Variants in CACNB4 observed in about 807,000 individuals in gnomAD.
CACNB4 encodes calcium voltage-gated channel auxiliary subunit beta 4.
CACNB4 carries 32 observed loss-of-function variants against 71.2 expected under a neutral mutation model. That is an observed-to-expected ratio of 0.45 (90% CI 0.34 to 0.60). The LOEUF (loss-of-function observed/expected upper bound fraction) is 0.60. CACNB4 is among the 20% of genes least tolerant of loss of function. The pLI is 0.01. For missense variants in CACNB4, 464 were observed against 647.9 expected (o/e 0.72, Z 3.08); for synonymous variants, 231 against 236.9 (o/e 0.97, Z 0.23).
rs2099839943 is a variant in CACNB4, at chr2:151,855,095, A to G, written c.1020+129T>C. On this transcript the variant is annotated intron_variant, in intron 11 of 13. Transcript: ENST00000539935. ...AATTCATAGAATCTGTACACTGTGGAAAGATTTTAAATGTGCTTATTAATA... is the reference window on the plus strand; with the variant it reads ...AATTCATAGAATCTGTACACTGTGGGAAGATTTTAAATGTGCTTATTAATA... 2.2e-5 allele frequency: 12 copies of G among 551,348 alleles called. No individual in the cohort carries two copies. The South Asian group carries it at 3.3e-4, about 15-fold the overall frequency. 34.2% of individuals were successfully genotyped at this position (551,348 alleles called of 1,614,324 possible).
intron 2 of CACNB4, among the ~76,000 whole-genome samples, chr2:152,088,140 AAC>A (rs55688548): frequency 1.0e-3 from 137 of 137,018 alleles, no homozygotes; most frequent in Middle Eastern, 3.7e-3. Context: ...TTCCCCACTT[AAC>A]ACACACACAC....
chr2:152,027,177 A>G (rs1020413431), intron 2 of CACNB4, among the ~76,000 whole-genome samples: 1 of 152,202 alleles, frequency 6.6e-6, no homozygotes, highest in African/African-American at 2.4e-5. Context: ...TGTTGAGATT[A>G]CAGGCGTGAG....
Position 152,098,584 on chromosome 2 carries a change from A to AACCC in CACNB4, c.64-172_64-171insGGGT. The AACCC allele has an allele frequency of 2.1e-6, 1 of 479,638 alleles. No homozygotes were observed. Among genetic ancestry groups the AACCC allele is most frequent in the Non-Finnish European group, 3.8e-6 (1 of 263,196 alleles). 29.7% of individuals were successfully genotyped at this position (479,638 alleles called of 1,614,324 possible). On this transcript the variant is annotated intron_variant, in intron 1 of 13. Coordinates refer to ENST00000539935, the MANE Select transcript of CACNB4 (RefSeq NM_000726.5). The surrounding 1 kb of genome is among the most constrained non-coding windows in gnomAD (Gnocchi z 5.3). ...ATACAGCCCCCACCCCCACCCACCC[A>AACCC]CTGCAAGCCTCGACTGCTGAAAAGA... is the stretch of plus-strand genomic sequence containing the variant.
intron 2 of CACNB4, among the ~76,000 whole-genome samples, chr2:152,073,591 G>A (rs763298869): frequency 1.2e-4 from 19 of 152,122 alleles, no homozygotes; most frequent in Non-Finnish European, 2.8e-4. Flanking sequence ...AAATAAACAG[G>A]TTAAGTAATG....
chr2:151,841,296 G>A (rs150019608), intron 13 of CACNB4, among the ~76,000 whole-genome samples: 1 of 152,218 alleles, frequency 6.6e-6, no homozygotes, highest in Non-Finnish European at 1.5e-5. Flanking sequence ...GGAGGGGCCA[G>A]GAGTGGTGGC....
At chr2:151,965,898 C>G (rs905145434) in intron 2 of CACNB4, among the ~76,000 whole-genome samples, 2 of 152,178 alleles carry the variant, frequency 1.3e-5, no homozygotes, top group African/African-American at 2.4e-5. Context: ...TTTCAAACAT[C>G]TACTCTACTC....
intron 13 of CACNB4, among the ~76,000 whole-genome samples, chr2:151,840,914 T>C (rs1428204002): frequency 6.6e-6 from 1 of 152,174 alleles, no homozygotes; most frequent in East Asian, 1.9e-4. Flanking sequence ...AAATAATAAT[T>C]GATGTAGAAA....
intron 2 of CACNB4, among the ~76,000 whole-genome samples, chr2:151,942,054 A>G (rs1290407028): frequency 6.7e-6 from 1 of 150,098 alleles, no homozygotes; most frequent in Non-Finnish European, 1.5e-5. Context: ...TGCTATCTAG[A>G]ACTCATCAAG....
At chr2:151,921,979 C>G (rs2099859126) in intron 2 of CACNB4, among the ~76,000 whole-genome samples, 1 of 152,160 alleles carries the variant, frequency 6.6e-6, no homozygotes, top group Non-Finnish European at 1.5e-5. Context: ...TCTTCATAAA[C>G]TACCCAGTCT....
intron 2 of CACNB4, among the ~76,000 whole-genome samples, chr2:152,086,561 T>C (rs1687671723): frequency 6.6e-6 from 1 of 152,224 alleles, no homozygotes; most frequent in Non-Finnish European, 1.5e-5. Context: ...TTCTCCTTAA[T>C]TGTATTTCTC....
At chr2:151,984,834 T>C (rs1681248571) in intron 2 of CACNB4, among the ~76,000 whole-genome samples, 1 of 152,128 alleles carries the variant, frequency 6.6e-6, no homozygotes, top group Non-Finnish European at 1.5e-5. Flanking sequence ...ACAACATACT[T>C]CTCATATTTC....
At chr2:151,870,947 C>CATTT in intron 6 of CACNB4, 86 bp from the exon 7 acceptor site, 1 of 970,200 alleles carries the variant, frequency 1.0e-6, no homozygotes, top group Non-Finnish European at 1.6e-6. Flanking sequence ...AGAATGTACC[C>CATTT]ATTTGTCCCT....
intron 13 of CACNB4, among the ~76,000 whole-genome samples, chr2:151,840,340 A>C (rs1280879106): frequency 1.3e-5 from 2 of 152,230 alleles, no homozygotes; most frequent in African/African-American, 4.8e-5. Flanking sequence ...CCACAGAATA[A>C]AGGGCAACAC....
intron 9 of CACNB4, among the ~76,000 whole-genome samples, chr2:151,864,892 T>C (rs2151386975): frequency 6.6e-6 from 1 of 152,364 alleles, no homozygotes; most frequent in East Asian, 1.9e-4. Context: ...ATAGTTTCCT[T>C]ATGTCCTACT....
intron 2 of CACNB4, among the ~76,000 whole-genome samples, chr2:152,027,735 C>A (rs1490419459): frequency 6.6e-6 from 1 of 151,762 alleles, no homozygotes; most frequent in Non-Finnish European, 1.5e-5. Flanking sequence ...GCCTATAATT[C>A]CAGCTACTCA....
intron 2 of CACNB4, among the ~76,000 whole-genome samples, chr2:151,888,661 C>G (rs1365045006): frequency 6.6e-6 from 1 of 152,238 alleles, no homozygotes; most frequent in Non-Finnish European, 1.5e-5. Flanking sequence ...ATCCCAGTCT[C>G]TCACAACCTA....
chr2:151,865,569 T>C, intron 9 of CACNB4, among the ~76,000 whole-genome samples: 1 of 146,488 alleles, frequency 6.8e-6, no homozygotes, highest in Non-Finnish European at 1.5e-5. Context: ...GTTCAGCCTG[T>C]GAATGGTAGA....
intron 2 of CACNB4, among the ~76,000 whole-genome samples, chr2:151,980,111 T>A (rs1448224811): frequency 6.6e-6 from 1 of 152,240 alleles, no homozygotes; most frequent in Non-Finnish European, 1.5e-5. Flanking sequence ...TAACAATTTA[T>A]GTTTTTGCCT....
chr2:152,018,978 G>A (rs1319776854), intron 2 of CACNB4, among the ~76,000 whole-genome samples: 1 of 152,112 alleles, frequency 6.6e-6, no homozygotes, highest in Non-Finnish European at 1.5e-5. Context: ...GGGGGTGGGT[G>A]AAGTCAAGGG....
Sources: allele counts gnomAD v4.1 joint callset (sites outside exome capture counted in the v4.1 genomes callset), GRCh38; gene constraint gnomAD v4.1.1; non-coding constraint Gnocchi (gnomAD v3.1); transcripts MANE v1.5; gene names NCBI Gene and HGNC (gene_info 2026-07-23, HGNC 2026-07-21).